The following CFAP97D2 variants were observed in gnomAD, a reference collection of about 807,000 sequenced individuals.
The protein encoded by CFAP97D2 is uncharacterized protein CFAP97D2.
chr13:114,210,501 G>C (rs1235066626), intron 3 of CFAP97D2, among the ~76,000 whole-genome samples: 2 of 152,050 alleles, frequency 1.3e-5, no homozygotes, highest in Non-Finnish European at 2.9e-5. Context: ...GCCCCTCCTG[G>C]TTGTAATTCA....
chr13:114,182,060 A>G lies in CFAP97D2; in HGVS notation c.90+2640A>G, dbSNP rs536310449. 7.8e-3 allele frequency among the ~76,000 whole-genome samples: 1,182 copies of G among 151,902 alleles called. 5 individuals are homozygous for G. Among genetic ancestry groups the G allele is most frequent in the African/African-American group, 0.013 (539 of 41,464 alleles). On this transcript the variant is annotated intron_variant, in intron 1 of 4. Transcript: ENST00000646158. Reference sequence around the variant, plus strand: ...GCTCAGCATACCAAGGACCTGCACCAGCACCGGTCTCTGAGTTCCCTCAGT... The same window carrying G: ...GCTCAGCATACCAAGGACCTGCACCGGCACCGGTCTCTGAGTTCCCTCAGT...
In CFAP97D2 at chr13:114,187,702, T is replaced by C. The variant is rs116460415; in HGVS notation, c.90+8282T>C. The stretch of plus-strand genomic sequence containing the variant: ...ATGTGCAGATCCAACAAGCAGAAAA[T>C]CAGTAAGGACATAGTTGAACTCAAC... On this transcript the variant is annotated intron_variant, in intron 1 of 4. Transcript: ENST00000646158. The surrounding 1 kb of genome is among the most constrained non-coding windows in gnomAD (Gnocchi z 4.2). Among the ~76,000 whole-genome samples the C allele has an allele frequency of 8.3e-3, 1,261 of 151,842 alleles. 13 individuals carry two copies. Among genetic ancestry groups the C allele is most frequent in the African/African-American group, 0.028 (1,177 of 41,388 alleles).
intron 1 of CFAP97D2, among the ~76,000 whole-genome samples, chr13:114,188,930 T>C (rs2080860032): frequency 6.6e-6 from 1 of 150,530 alleles, no homozygotes; most frequent in Non-Finnish European, 1.5e-5. Context: ...GATAATTCTT[T>C]GGGAAAAAAA....
chr13:114,183,838 GC>G (rs1336590817), intron 1 of CFAP97D2, among the ~76,000 whole-genome samples: 1 of 152,198 alleles, frequency 6.6e-6, no homozygotes, highest in Admixed American at 6.5e-5. Flanking sequence ...AACATTCGAG[GC>G]ATAGCAACCT....
intron 1 of CFAP97D2, among the ~76,000 whole-genome samples, chr13:114,188,081 C>G (rs1052108307): frequency 7.9e-5 from 12 of 151,866 alleles, no homozygotes; most frequent in African/African-American, 2.7e-4. Flanking sequence ...GAGCTTGAGA[C>G]CAGCCTGGGC....
rs2080928548 is a variant in CFAP97D2, at chr13:114,203,808, A to G, written c.290+3365A>G. ...CCTGGGCAGGTTCCCTCATCTGCAC[A>G]AAAGCATCTGGTGTAAACACTTGTC... On this transcript the variant is annotated intron_variant, in intron 3 of 4. Coordinates refer to ENST00000646158, the Ensembl canonical transcript of CFAP97D2. The surrounding 1 kb of genome is among the most constrained non-coding windows in gnomAD (Gnocchi z 4.3). 6.6e-6 allele frequency among the ~76,000 whole-genome samples: 1 copy of G among 152,186 alleles called. No individual in the cohort carries two copies. The highest frequency in any genetic ancestry group is 1.9e-4 in the East Asian group (1 of 5,178).
rs2080926833 is a variant in CFAP97D2 at position 114,203,378 on chromosome 13, A to G, written c.290+2935A>G. Among the ~76,000 whole-genome samples, 1 of 152,270 alleles carries G rather than the reference A, an allele frequency of 6.6e-6. No individual in the cohort carries two copies. Among genetic ancestry groups the G allele is most frequent in the African/African-American group, 2.4e-5 (1 of 41,474 alleles). On this transcript the variant is annotated intron_variant, in intron 3 of 4. Transcript: ENST00000646158. This position sits in a 1 kb window ranked among gnomAD's most constrained non-coding sequence, Gnocchi z 4.3. The stretch of plus-strand genomic sequence containing the variant: ...AAAGGAAGTACAAAATTTATACTCC[A>G]AAAACTACAAACCGTCATCCACAAA...
intron 1 of CFAP97D2, among the ~76,000 whole-genome samples, chr13:114,181,834 TC>T (rs1464471528): frequency 6.6e-6 from 1 of 151,720 alleles, no homozygotes; most frequent in Non-Finnish European, 1.5e-5. Flanking sequence ...AGCCCAGCCT[TC>T]CCCCTCAGAG....
At chr13:114,180,159 C>G (rs1034113751) in intron 1 of CFAP97D2, among the ~76,000 whole-genome samples, 3 of 152,252 alleles carry the variant, frequency 2.0e-5, no homozygotes, top group Non-Finnish European at 4.4e-5. Flanking sequence ...TTCCATGTAT[C>G]ATGTCTCCAC....
chr13:114,207,890 C>T lies in CFAP97D2; in HGVS notation c.291-4022C>T. ...CTACAACTCAGGTCCAAAATATGTC[C>T]CATGCTCTTCCTCTAAGAGAAGACA... On this transcript the variant is annotated intron_variant, in intron 3 of 4. Transcript: ENST00000646158. This position sits in a 1 kb window ranked among gnomAD's most constrained non-coding sequence, Gnocchi z 4.9. 6.6e-6 allele frequency among the ~76,000 whole-genome samples: 1 copy of T among 152,180 alleles called. No homozygotes were observed. The highest frequency in any genetic ancestry group is 1.9e-4 in the East Asian group (1 of 5,204).
intron 3 of CFAP97D2, among the ~76,000 whole-genome samples, chr13:114,209,285 A>C (rs987408271): frequency 6.6e-6 from 1 of 152,228 alleles, no homozygotes; most frequent in African/African-American, 2.4e-5. Flanking sequence ...TCATCATTTA[A>C]GCACAGTAAA....
At chr13:114,184,203 C>A (rs1197228833) in intron 1 of CFAP97D2, among the ~76,000 whole-genome samples, 1 of 151,980 alleles carries the variant, frequency 6.6e-6, no homozygotes, top group Non-Finnish European at 1.5e-5. Context: ...GCAAAGAGAA[C>A]GAAGTCTGAA....
At position 114,186,419 on chromosome 13, in the gene CFAP97D2, C is replaced by T. The variant is rs969764004; in HGVS notation, c.90+6999C>T. 1.7e-4 allele frequency among the ~76,000 whole-genome samples: 26 copies of T among 152,328 alleles called. No homozygotes were observed. The highest frequency in any genetic ancestry group is 2.6e-4 in the Admixed American group (4 of 15,310). On this transcript the variant is annotated intron_variant, in intron 1 of 4. Transcript: ENST00000646158. The surrounding 1 kb of genome is among the most constrained non-coding windows in gnomAD (Gnocchi z 4.3). Reference sequence around the variant, plus strand: ...GTCTTGCTCACCCTCCACTTGTCTGCGTACCTCATTCTTCCTGGATGCAGG... The same window carrying T: ...GTCTTGCTCACCCTCCACTTGTCTGTGTACCTCATTCTTCCTGGATGCAGG...
intron 4 of CFAP97D2, among the ~76,000 whole-genome samples, chr13:114,218,444 AT>A (rs1231366621): frequency 6.6e-6 from 1 of 152,258 alleles, no homozygotes; most frequent in Non-Finnish European, 1.5e-5. Context: ...GAAAATGGCC[AT>A]ACTGCCCAAG....
chr13:114,189,502 T>C lies in CFAP97D2; in HGVS notation c.91-6894T>C, dbSNP rs1234557464. On this transcript the variant is annotated intron_variant, in intron 1 of 4. Transcript: ENST00000646158. The surrounding 1 kb of genome is among the most constrained non-coding windows in gnomAD (Gnocchi z 4.5). ...TATTCTGTGAAGCAGCACTACCTTA[T>C]AACCAAAACCAAAGACATTACAAGA... Among the ~76,000 whole-genome samples the C allele has an allele frequency of 2.6e-5, 4 of 152,212 alleles. No individual in the cohort carries two copies. Among genetic ancestry groups the C allele is most frequent in the African/African-American group, 9.7e-5 (4 of 41,450 alleles).
intron 4 of CFAP97D2, among the ~76,000 whole-genome samples, chr13:114,219,700 A>G (rs767627272): frequency 1.3e-5 from 2 of 152,216 alleles, no homozygotes; most frequent in Non-Finnish European, 2.9e-5. Context: ...ACTGGCTCCG[A>G]GGCATGCCTC....
chr13:114,188,930 T>TG (rs1473145132), intron 1 of CFAP97D2, among the ~76,000 whole-genome samples: 3 of 150,530 alleles, frequency 2.0e-5, no homozygotes, highest in Non-Finnish European at 4.4e-5. Context: ...GATAATTCTT[T>TG]GGGAAAAAAA....
intron 1 of CFAP97D2, among the ~76,000 whole-genome samples, chr13:114,191,117 T>C (rs761261766): frequency 6.6e-6 from 1 of 151,868 alleles, no homozygotes; most frequent in Non-Finnish European, 1.5e-5. Context: ...GCAAAAAAAG[T>C]ATAAAACTCC....
At chr13:114,182,111 T>C (rs536509592) in intron 1 of CFAP97D2, among the ~76,000 whole-genome samples, 7 of 151,148 alleles carry the variant, frequency 4.6e-5, no homozygotes, top group East Asian at 1.9e-4. Context: ...TTTTCATTAT[T>C]TCAGCAAAAA....
Sources: allele counts gnomAD v4.1 joint callset (sites outside exome capture counted in the v4.1 genomes callset), GRCh38; gene constraint gnomAD v4.1.1; non-coding constraint Gnocchi (gnomAD v3.1); transcripts MANE v1.5; gene names NCBI Gene and HGNC (gene_info 2026-07-23, HGNC 2026-07-21).